MEGF11: variants seen among roughly 807,000 people sequenced by gnomAD.
MEGF11 encodes multiple epidermal growth factor-like domains protein 11.
Under a neutral mutation model 146.6 loss-of-function variants are expected in MEGF11, and 126 were observed. That is an observed-to-expected ratio of 0.86 (90% CI 0.74 to 1.00). The LOEUF is 1.00. Ranked by LOEUF, MEGF11 falls within the 50% of genes least tolerant of loss-of-function variation. The pLI is 0.00. For missense variants in MEGF11, 1,509 were observed against 1,521.2 expected, an observed-to-expected ratio of 0.99 and a Z score of 0.13; for synonymous variants, 532 against 583.4, an observed-to-expected ratio of 0.91 and a Z score of 1.27.
intron 1 of MEGF11, among the ~76,000 whole-genome samples, chr15:66,164,093 G>C (rs1383300367): frequency 6.6e-6 from 1 of 152,180 alleles, no homozygotes; most frequent in Non-Finnish European, 1.5e-5. Flanking sequence ...TGGATTTGCA[G>C]GGGTGGGGTG....
intron 5 of MEGF11, among the ~76,000 whole-genome samples, chr15:66,023,568 T>C (rs1216318299): frequency 1.3e-5 from 2 of 152,240 alleles, no homozygotes; most frequent in African/African-American, 4.8e-5. Context: ...GCTGGCCTTT[T>C]TGAATGGAGA....
intron 5 of MEGF11, among the ~76,000 whole-genome samples, chr15:65,983,630 C>T (rs1213702079): frequency 2.6e-5 from 4 of 152,078 alleles, no homozygotes; most frequent in African/African-American, 9.7e-5. Flanking sequence ...ACTTGTCTGG[C>T]TAATAGGGTG....
chr15:65,981,054 G>A (rs979276536), intron 6 of MEGF11, among the ~76,000 whole-genome samples, 156 bp from the exon 7 acceptor site: 1 of 152,202 alleles, frequency 6.6e-6, no homozygotes, highest in African/African-American at 2.4e-5. Context: ...GCCAGGAGGG[G>A]GAAGCAAGGC....
intron 1 of MEGF11, among the ~76,000 whole-genome samples, chr15:66,246,996 G>A (rs1263479979): frequency 2.6e-5 from 4 of 152,136 alleles, no homozygotes; most frequent in Non-Finnish European, 4.4e-5. Context: ...AAGCCACTGT[G>A]ATTGTAGAGA....
rs1245139484 is a variant in MEGF11, at chr15:65,904,803, T to C, written c.3055+1282A>G. On this transcript the variant is annotated intron_variant, in intron 24 of 25. Transcript: ENST00000395614. Reference sequence around the variant, plus strand: ...GAGTTTTGAGGAGATGGGGTGTGAATATCTGTATTTTTAATAAGCTTTCCA... The same window carrying C: ...GAGTTTTGAGGAGATGGGGTGTGAACATCTGTATTTTTAATAAGCTTTCCA... Among the ~76,000 whole-genome samples the C allele has an allele frequency of 2.0e-5, 3 of 152,284 alleles. No individual in the cohort carries two copies. In the East Asian group the frequency reaches 5.8e-4, roughly 29 times the overall value.
chr15:66,055,978 C>T (rs1477206198), intron 5 of MEGF11, among the ~76,000 whole-genome samples: 2 of 152,088 alleles, frequency 1.3e-5, no homozygotes, highest in Non-Finnish European at 2.9e-5. Context: ...GCAAATGGCT[C>T]TGGTAGGGTG....
At chr15:66,049,609 G>A (rs142204203) in intron 5 of MEGF11, among the ~76,000 whole-genome samples, 29 of 152,272 alleles carry the variant, frequency 1.9e-4, no homozygotes, top group African/African-American at 7.0e-4. Context: ...ATGTTAACGG[G>A]TTTGCTGGCT....
intron 1 of MEGF11, among the ~76,000 whole-genome samples, chr15:66,249,041 T>C (rs754415017): frequency 5.9e-5 from 9 of 152,234 alleles, no homozygotes; most frequent in Non-Finnish European, 1.2e-4. Flanking sequence ...CTGTTACATT[T>C]ACCAGGCCAG....
At chr15:66,107,062 A>ATCC (rs2087124636) in intron 4 of MEGF11, among the ~76,000 whole-genome samples, 1 of 150,234 alleles carries the variant, frequency 6.7e-6, no homozygotes, top group Admixed American at 6.6e-5. Context: ...CTACCCCCCC[A>ATCC]CCAGGTATAG....
chr15:66,204,108 A>G (rs2091239213), intron 1 of MEGF11, among the ~76,000 whole-genome samples: 1 of 152,034 alleles, frequency 6.6e-6, no homozygotes, highest in African/African-American at 2.4e-5. Flanking sequence ...AAGGTTCTAC[A>G]AAAAAGATAA....
intron 5 of MEGF11, among the ~76,000 whole-genome samples, chr15:65,985,672 T>C (rs1473168520): frequency 1.3e-5 from 2 of 152,072 alleles, no homozygotes; most frequent in East Asian, 3.9e-4. Context: ...ATGGTAACAC[T>C]TGGGTGTTTT....
At chr15:66,161,772 G>C (rs969013013) in intron 1 of MEGF11, among the ~76,000 whole-genome samples, 2 of 152,142 alleles carry the variant, frequency 1.3e-5, no homozygotes, top group African/African-American at 4.8e-5. Context: ...TGTGCTTCTA[G>C]GCACTCAGTG....
chr15:65,904,061 T>C (rs1004157356), intron 24 of MEGF11, among the ~76,000 whole-genome samples: 1 of 152,212 alleles, frequency 6.6e-6, no homozygotes, highest in Non-Finnish European at 1.5e-5. Flanking sequence ...GCAGAGACAC[T>C]GCTTTCCTGA....
intron 1 of MEGF11, among the ~76,000 whole-genome samples, chr15:66,247,543 A>AT (rs568132886): frequency 6.6e-6 from 1 of 152,150 alleles, no homozygotes; most frequent in African/African-American, 2.4e-5. Context: ...AAGAATCCTA[A>AT]TTTTGATCCT....
chr15:66,137,217 G>A (rs1405023204), intron 1 of MEGF11, among the ~76,000 whole-genome samples: 1 of 152,222 alleles, frequency 6.6e-6, no homozygotes, highest in Non-Finnish European at 1.5e-5. Context: ...ATCTTTTGGG[G>A]AAGGGATGGA....
intron 1 of MEGF11, among the ~76,000 whole-genome samples, chr15:66,219,874 G>GTTA (rs763082396): frequency 2.6e-5 from 4 of 152,158 alleles, no homozygotes; most frequent in Non-Finnish European, 5.9e-5. Flanking sequence ...ATGGGTGAAT[G>GTTA]GTTAAACAAG....
intron 1 of MEGF11, among the ~76,000 whole-genome samples, chr15:66,242,217 G>A (rs1473678138): frequency 2.0e-5 from 3 of 151,678 alleles, no homozygotes; most frequent in Non-Finnish European, 4.4e-5. Context: ...GACCAGCCTG[G>A]GCAACACAGG....
chr15:66,023,987 G>A (rs898974675), intron 5 of MEGF11, among the ~76,000 whole-genome samples: 3 of 152,172 alleles, frequency 2.0e-5, no homozygotes, highest in Non-Finnish European at 4.4e-5. Flanking sequence ...TGGGACCAGG[G>A]CAGGAGAAGT....
chr15:66,228,599 C>T (rs569420288), intron 1 of MEGF11, among the ~76,000 whole-genome samples: 1 of 152,180 alleles, frequency 6.6e-6, no homozygotes, highest in East Asian at 1.9e-4. Flanking sequence ...AAGATGGCTC[C>T]CCATTATCAG....
Sources: gnomAD v4.1 joint callset for allele counts (sites outside exome capture counted in the v4.1 genomes callset) on GRCh38, gnomAD v4.1.1 for gene constraint, MANE v1.5 for transcripts, NCBI Gene and HGNC (gene_info 2026-07-23, HGNC 2026-07-21) for gene names.